CLPSL1: variants seen among roughly 807,000 people sequenced by gnomAD.
CLPSL1 encodes the protein colipase like 1.
In CLPSL1, 13 loss-of-function variants were observed where a neutral mutation model predicts 9.3. The ratio of observed to expected loss-of-function variants is 1.40; its 90% CI spans 0.91 to 2.22. The LOEUF is 2.22. Ranked by LOEUF, CLPSL1 falls within the 30% of genes most tolerant of loss-of-function variation. The probability of loss-of-function intolerance (pLI) is 0.00; values close to 1 mark genes in which losing one functional copy is unlikely to be tolerated. For synonymous variants in CLPSL1, 58 were observed against 56.9 expected (o/e 1.02, Z -0.08); for missense variants, 164 against 146.6 (o/e 1.12, Z -0.61).
At chr6:35,793,110 G>C (rs1348783108), downstream of CLPSL1, among the ~76,000 whole-genome samples, 2 of 152,252 alleles carry the variant, frequency 1.3e-5, no homozygotes, top group Non-Finnish European at 1.5e-5. Flanking sequence ...AGTCGGCCTT[G>C]AGGATTTGAG....
At chr6:35,792,098 A>AAAATAAATAAATAAAT (rs112994835), downstream of CLPSL1, among the ~76,000 whole-genome samples, 26 of 149,708 alleles carry the variant, frequency 1.7e-4, no homozygotes, top group East Asian at 2.9e-3. Context: ...CCCCGCCACA[A>AAAATAAATAAATAAAT]AAATAAATAA....
At chr6:35,782,155 A>G (rs578259453) in intron 1 of CLPSL1, among the ~76,000 whole-genome samples, 8 of 152,186 alleles carry the variant, frequency 5.3e-5, no homozygotes, top group Non-Finnish European at 1.0e-4. Flanking sequence ...CCGGCAAAGC[A>G]GGGGGGTCTC....
chr6:35,781,065 A>G lies in CLPSL1; in HGVS notation c.-46A>G. ...GAGGACACCCACATGGTCGGCGTGC[A>G]GGATATTTCGCTGGACCCTAGAAAA... On this transcript the variant is annotated 5_prime_UTR_variant, in exon 1 of 3. Transcript: ENST00000373861. The G allele has an allele frequency of 6.2e-7, 1 of 1,608,642 alleles. No individual in the cohort carries two copies. Among genetic ancestry groups the G allele is most frequent in the East Asian group, 2.2e-5 (1 of 44,824 alleles).
At position 35,787,129 on chromosome 6, in the gene CLPSL1, C is replaced by T. The variant is rs1200538417; in HGVS notation, c.222+9C>T. The T allele has an allele frequency of 6.2e-7, 1 of 1,611,124 alleles. No individual in the cohort carries two copies. The highest frequency in any genetic ancestry group is 8.5e-7 in the Non-Finnish European group (1 of 1,179,326). The stretch of plus-strand genomic sequence containing the variant: ...GTCTGTGTCAAACGCAGGTGGGTAT[C>T]GCCGCCCGGGGGGAGCCAGAGGGGA... On this transcript the variant is annotated intron_variant, in intron 2 of 2. Coordinates refer to ENST00000373861, the MANE Select transcript of CLPSL1 (RefSeq NM_001010886.5).
chr6:35,781,168 C>T lies in CLPSL1; in HGVS notation c.58C>T (p.Leu20Phe). 1 of 1,614,026 alleles carries T rather than the reference C, an allele frequency of 6.2e-7. No homozygotes were observed. The highest frequency in any genetic ancestry group is 8.5e-7 in the Non-Finnish European group (1 of 1,179,934). The change falls in exon 1 of 3, where the codon CTC becomes TTC. Residue 20 changes from leucine to phenylalanine, a missense_variant. Leu to Phe is a conservative substitution (Grantham distance 22). Transcript: ENST00000373861. ...LFLLFFFLFL[L>F]TRGSLSPTKY... ...CCTTCTCTTCTTCTTTCTCTTCCTC[C>T]TCACCAGGGGCTCACTTTCTCCAAC... is the stretch of plus-strand genomic sequence containing the variant.
chr6:35,786,901 G>A lies in CLPSL1; in HGVS notation c.100-97G>A, dbSNP rs540749151. The A allele has an allele frequency of 9.2e-4, 1,321 of 1,436,278 alleles. 19 individuals carry two copies. The highest frequency in any genetic ancestry group is 1.7e-3 in the Middle Eastern group (8 of 4,786). 89.0% of individuals were successfully genotyped at this position (1,436,278 alleles called of 1,614,324 possible). A position where few individuals can be genotyped will look rare whatever the true frequency, so the allele number is the denominator to read the frequency against. On this transcript the variant is annotated intron_variant, in intron 1 of 2. Transcript: ENST00000373861. ...AGCCAGAGGTGATGGTGGGAGCAGA[G>A]TCTGGGGAGGAGCCCCGTAGGGAGA...
intron 1 of CLPSL1, among the ~76,000 whole-genome samples, chr6:35,785,378 C>T (rs1245046012): frequency 8.6e-5 from 13 of 151,466 alleles, no homozygotes; most frequent in Admixed American, 4.6e-4. Context: ...GGGGTTTCAC[C>T]GTGTTAGCCA....
Position 35,786,981 on chromosome 6 carries a change from C to G in CLPSL1, c.100-17C>G, listed in dbSNP as rs1020469136. The G allele has an allele frequency of 1.4e-5, 22 of 1,565,218 alleles. No individual in the cohort carries two copies. The highest frequency in any genetic ancestry group is 7.0e-5 in the East Asian group (3 of 42,592). On this transcript the variant is annotated splice_polypyrimidine_tract_variant and intron_variant, in intron 1 of 2. Coordinates refer to ENST00000373861, the MANE Select transcript of CLPSL1 (RefSeq NM_001010886.5). ...GGCGGGCGGTGGAGCCTGGCGGTGC[C>G]GTGTCCCTCCCTGCAGGAGCTCAAG...
At chr6:35,791,989 T>C (rs1410562966), downstream of CLPSL1, among the ~76,000 whole-genome samples, 2 of 150,644 alleles carry the variant, frequency 1.3e-5, no homozygotes, top group African/African-American at 4.8e-5. Context: ...GGGAGGCTGA[T>C]TCAGGAGAAT....
At chr6:35,788,413 A>G (rs542582029), downstream of CLPSL1, among the ~76,000 whole-genome samples, 1 of 152,374 alleles carries the variant, frequency 6.6e-6, no homozygotes, top group South Asian at 2.1e-4. Flanking sequence ...CAGTTCCACG[A>G]CCTTAAATTT....
At chr6:35,784,338 A>G (rs577185094) in intron 1 of CLPSL1, among the ~76,000 whole-genome samples, 1 of 152,340 alleles carries the variant, frequency 6.6e-6, no homozygotes, top group East Asian at 1.9e-4. Flanking sequence ...AATAGGCTTC[A>G]TAGAAAATAG....
At chr6:35,781,329 G>A in intron 1 of CLPSL1, 120 bp downstream of exon 1, 1 of 1,414,562 alleles carries the variant, frequency 7.1e-7, no homozygotes. Flanking sequence ...GGGCAGCAGG[G>A]AGTGTTGGGT....
At chr6:35,789,978 G>GTGCTGGCTCCATCTCAGCTCAC (rs1207935340), downstream of CLPSL1, among the ~76,000 whole-genome samples, 17 of 152,258 alleles carry the variant, frequency 1.1e-4, no homozygotes, top group African/African-American at 3.6e-4. Flanking sequence ...CCAGGCTAGA[G>GTGCTGGCTCCATCTCAGCTCAC]TGCAGTGGCT....
intron 1 of CLPSL1, 52 bp downstream of exon 1, chr6:35,781,261 G>C: frequency 2.5e-6 from 4 of 1,595,630 alleles, no homozygotes; most frequent in Non-Finnish European, 3.4e-6. Context: ...CCTAAGGCCT[G>C]TACTATTTGG....
At position 35,787,052 on chromosome 6, in the gene CLPSL1, C is replaced by G; in HGVS notation, c.154C>G (p.Arg52Gly). ...NQDCETGCCQRAPDNCESHCA... is the reference protein window; with the variant it reads ...NQDCETGCCQGAPDNCESHCA... ...GGACTGCGAGACTGGCTGCTGCCAA[C>G]GTGCTCCAGACAATTGCGAGTCGCA... Residue 52 changes from arginine (R) to glycine (G), a missense_variant, in exon 2 of 3, where the codon CGT becomes GGT. Arg to Gly is a moderately radical substitution (Grantham distance 125). Coordinates refer to ENST00000373861, the MANE Select transcript of CLPSL1 (RefSeq NM_001010886.5). The G allele has an allele frequency of 6.2e-7, 1 of 1,601,840 alleles. No individual in the cohort carries two copies. The highest frequency in any genetic ancestry group is 8.5e-7 in the Non-Finnish European group (1 of 1,176,054).
At chr6:35,790,136 A>G (rs1479104522), downstream of CLPSL1, among the ~76,000 whole-genome samples, 1 of 152,100 alleles carries the variant, frequency 6.6e-6, no homozygotes, top group Non-Finnish European at 1.5e-5. Context: ...AGATCTCACC[A>G]TGTTGCCCAG....
At chr6:35,784,854 T>C (rs1768037052) in intron 1 of CLPSL1, among the ~76,000 whole-genome samples, 1 of 152,224 alleles carries the variant, frequency 6.6e-6, no homozygotes, top group Non-Finnish European at 1.5e-5. Context: ...AAAAAGAGAC[T>C]GAGGCAGGTT....
intron 1 of CLPSL1, among the ~76,000 whole-genome samples, chr6:35,784,720 C>A (rs1768034350): frequency 6.6e-6 from 1 of 152,166 alleles, no homozygotes; most frequent in African/African-American, 2.4e-5. Context: ...GGCAACAAAG[C>A]AAGACTCCTG....
intron 1 of CLPSL1, among the ~76,000 whole-genome samples, chr6:35,785,361 T>C (rs1768048493): frequency 6.6e-6 from 1 of 151,954 alleles, no homozygotes; most frequent in South Asian, 2.1e-4. Context: ...GTATTTTTAG[T>C]AGAGACGGGG....
Sources: allele counts gnomAD v4.1 joint callset (sites outside exome capture counted in the v4.1 genomes callset), GRCh38; gene constraint gnomAD v4.1.1; transcripts MANE v1.5; gene names NCBI Gene and HGNC (gene_info 2026-07-23, HGNC 2026-07-21).